Variants in SHPRH observed in about 807,000 individuals in gnomAD.
SHPRH encodes the protein E3 ubiquitin-protein ligase SHPRH.
Under a neutral mutation model 202.5 loss-of-function variants are expected in SHPRH, and 106 were observed. The ratio of observed to expected loss-of-function variants is 0.52; its 90% confidence interval spans 0.45 to 0.62. SHPRH has a LOEUF of 0.62. SHPRH is among the 20% of genes least tolerant of loss of function. The pLI is 0.00. For missense variants in SHPRH, 1,710 were observed against 2,020.0 expected (o/e 0.85, Z 2.94); for synonymous variants, 729 against 686.0 (o/e 1.06, Z -0.98).
chr6:145,931,894 T>C, intron 14 of SHPRH, among the ~76,000 whole-genome samples: 1 of 151,564 alleles, frequency 6.6e-6, no homozygotes, highest in Non-Finnish European at 1.5e-5. Flanking sequence ...ATATTTCTTT[T>C]TTTTTTTTTT....
chr6:145,911,534 G>A lies in SHPRH; in HGVS notation c.4327-898C>T, dbSNP rs61134557. On this transcript the variant is annotated intron_variant, in intron 24 of 29. Transcript: ENST00000275233. ...TTTGCCCTCTTTGGCAACGAGAGAC[G>A]TAAGAACAATAGATTTAGTCTAGGT... 1.2e-3 allele frequency among the ~76,000 whole-genome samples: 186 copies of A among 152,236 alleles called. 1 individual carries two copies. The highest frequency in any genetic ancestry group is 4.1e-3 in the African/African-American group (171 of 41,546).
At chr6:145,883,055 A>G (rs1780700531), downstream of SHPRH, 1 of 152,202 alleles carries the variant, frequency 6.6e-6, no homozygotes, top group Admixed American at 6.5e-5. Flanking sequence ...AGAGACAAAG[A>G]TAACAATAGG....
At chr6:145,898,098 T>C (rs1341881456) in intron 25 of SHPRH, among the ~76,000 whole-genome samples, 2 of 152,154 alleles carry the variant, frequency 1.3e-5, no homozygotes, top group Non-Finnish European at 2.9e-5. Flanking sequence ...TGATCTTATA[T>C]ATACAAAATC....
At position 145,954,765 on chromosome 6, in the gene SHPRH, T is replaced by A; in HGVS notation, c.558A>T (p.Leu186Phe). ...LVESSFSGEM[L>F]EDLGWLQKKR... is the part of the protein sequence containing the mutation. Reference sequence around the variant, plus strand: ...TCTTTTGTAGCCACCCCAAATCTTCTAACATTTCACCACTGAAGGATGACT... The same window carrying A: ...TCTTTTGTAGCCACCCCAAATCTTCAAACATTTCACCACTGAAGGATGACT... Residue 186 changes from leucine (L) to phenylalanine (F), a missense_variant, in exon 2 of 30, where the codon TTA becomes TTT. By Grantham distance (22) the Leu-to-Phe change is conservative (BLOSUM62 0). Around this residue, in one of 8 missense-constraint regions of SHPRH, gnomAD observed 459 missense variants for 426.5 expected, o/e 1.08. Transcript: ENST00000275233. 1 of 1,612,778 alleles carries A rather than the reference T, an allele frequency of 6.2e-7. No homozygotes were observed. The highest frequency in any genetic ancestry group is 2.2e-5 in the East Asian group (1 of 44,842).
intron 25 of SHPRH, among the ~76,000 whole-genome samples, chr6:145,895,378 A>C (rs1036505040): frequency 6.6e-6 from 1 of 152,102 alleles, no homozygotes; most frequent in Non-Finnish European, 1.5e-5. Flanking sequence ...TGTTAAGAAT[A>C]CAATGAATCA....
the SHPRH span, among the ~76,000 whole-genome samples, chr6:145,858,245 C>T: frequency 6.6e-6 from 1 of 152,068 alleles, no homozygotes; most frequent in Non-Finnish European, 1.5e-5. Flanking sequence ...CTTATGTTTA[C>T]ACAAAGACTT....
intron 7 of SHPRH, 103 bp from the exon 8 acceptor site, chr6:145,945,740 A>G: frequency 7.9e-7 from 1 of 1,262,864 alleles, no homozygotes; most frequent in South Asian, 1.9e-5. Context: ...TAAGAAAGAA[A>G]TAAATCAAAG....
At chr6:145,934,667 C>CA (rs1476920030) in intron 13 of SHPRH, among the ~76,000 whole-genome samples, 27 of 147,096 alleles carry the variant, frequency 1.8e-4, no homozygotes, top group East Asian at 1.0e-3. Flanking sequence ...CGTCTCAAAA[C>CA]AAAAAAAAAC....
At chr6:145,902,930 A>G (rs1037009737) in intron 25 of SHPRH, among the ~76,000 whole-genome samples, 1 of 152,108 alleles carries the variant, frequency 6.6e-6, no homozygotes, top group African/African-American at 2.4e-5. Flanking sequence ...GTTTTAGTTT[A>G]TATCTTAGAA....
intron 29 of SHPRH, among the ~76,000 whole-genome samples, chr6:145,887,114 T>C (rs1781094864): frequency 6.6e-6 from 1 of 152,192 alleles, no homozygotes; most frequent in African/African-American, 2.4e-5. Context: ...CAAGAGAATT[T>C]CAAACAACTC....
chr6:145,868,755 A>G (rs531480100), intron 2 of SHPRH, among the ~76,000 whole-genome samples: 39 of 152,362 alleles, frequency 2.6e-4, no homozygotes, highest in African/African-American at 9.4e-4. Context: ...TTGTTGCAAT[A>G]TAACAAAGAA....
rs749499307 is a variant in SHPRH, at chr6:145,893,362, T to C, written c.4727A>G (p.Gln1576Arg). 17 of 1,594,808 alleles carry C rather than the reference T, an allele frequency of 1.1e-5. No homozygotes were observed. The highest frequency in any genetic ancestry group is 1.7e-4 in the Middle Eastern group (1 of 6,028). The change falls in exon 28 of 30, where the codon CAA (glutamine) becomes CGA (arginine). Residue 1576 changes from glutamine to arginine, a missense_variant. Coordinates refer to ENST00000275233, the MANE Select transcript of SHPRH (RefSeq NM_001042683.3). ...CAGGGGCAGCAGCAAAATATTGATT[T>C]GGGGATCACGTTTAAATGCTGAAAG... ...ENLSAFKRDP[Q>R]INILLLPLHT...
intron 11 of SHPRH, among the ~76,000 whole-genome samples, chr6:145,936,913 A>G (rs2128770769): frequency 6.6e-6 from 1 of 151,846 alleles, no homozygotes; most frequent in Non-Finnish European, 1.5e-5. Context: ...TTGAGGTCCC[A>G]AAGCCGTCTC....
chr6:145,954,192 T>C (rs1187729551), intron 2 of SHPRH, among the ~76,000 whole-genome samples: 1 of 151,810 alleles, frequency 6.6e-6, no homozygotes, highest in Non-Finnish European at 1.5e-5. Context: ...AGAAAGTCAG[T>C]GTGGTATATG....
chr6:145,921,071 G>T, intron 21 of SHPRH, 96 bp downstream of exon 21: 3 of 1,083,528 alleles, frequency 2.8e-6, no homozygotes, highest in Non-Finnish European at 3.9e-6. Context: ...CTCAAAAGAA[G>T]ATTTTAAAAA....
In SHPRH at chr6:145,948,336, A is replaced by G; in HGVS notation, c.997T>C (p.Phe333Leu). 6.2e-7 allele frequency: 1 copy of G among 1,603,502 alleles called. No homozygotes were observed. The highest frequency in any genetic ancestry group is 1.1e-5 in the South Asian group (1 of 88,370). Residue 333 changes from phenylalanine to leucine, a missense_variant, in exon 5 of 30, where the codon TTC becomes CTC. Coordinates refer to ENST00000275233, the MANE Select transcript of SHPRH (RefSeq NM_001042683.3). ...SSPATESALH[F>L]LWREIVTSEG... is the part of the protein sequence containing the mutation. ...GATGTAACAATCTCTCGCCATAAGA[A>G]GTGCAGGGCACTTTCTAAAGAAAAA...
intron 6 of SHPRH, 95 bp downstream of exon 6, chr6:145,947,398 A>G: frequency 7.4e-7 from 1 of 1,355,146 alleles, no homozygotes; most frequent in Non-Finnish European, 1.0e-6. Context: ...AGTGAACAGA[A>G]AGTGTTGACT....
chr6:145,941,753 C>T lies in SHPRH; in HGVS notation c.2360G>A (p.Ser787Asn), dbSNP rs1413599685. Reference protein sequence around the residue: ...SELNYVDIPHSNSEDGRRLRN... With the variant: ...SELNYVDIPHNNSEDGRRLRN... ...TAGGCGACGCCCATCCTCACTATTG[C>T]TATGTGGGATATCGACATAATTTAA... The change falls in exon 10 of 30, where the codon AGC becomes AAC. Residue 787 changes from serine (S) to asparagine (N), a missense_variant. Transcript: ENST00000275233. The T allele has an allele frequency of 1.9e-6, 3 of 1,613,898 alleles. No homozygotes were observed. The African/African-American group carries it at 4.0e-5, about 22-fold the overall frequency.
intron 2 of SHPRH, among the ~76,000 whole-genome samples, chr6:145,953,893 A>T (rs1053089163): frequency 3.3e-5 from 5 of 151,962 alleles, no homozygotes; most frequent in African/African-American, 1.2e-4. Context: ...CATCTACTGA[A>T]AATTTAGGTA....
Sources: allele counts gnomAD v4.1 joint callset (sites outside exome capture counted in the v4.1 genomes callset), GRCh38; gene constraint gnomAD v4.1.1; regional missense constraint gnomAD v4.1.1; transcripts MANE v1.5; gene names NCBI Gene and HGNC (gene_info 2026-07-23, HGNC 2026-07-21).